The following VPS26B variants were observed in gnomAD, a reference collection of about 807,000 sequenced individuals.
VPS26B encodes the protein VPS26 retromer complex component B, also known as vacuolar protein sorting-associated protein 26B.
VPS26B carries 10 observed loss-of-function variants against 33.3 expected under a neutral mutation model. That is an observed-to-expected ratio of 0.30 (90% CI 0.19 to 0.51). VPS26B has a LOEUF of 0.51. Ranked by LOEUF, VPS26B falls within the 20% of genes least tolerant of loss-of-function variation. The pLI, the probability that VPS26B is intolerant of heterozygous loss-of-function variation, is 0.98. For synonymous variants in VPS26B, 190 were observed against 176.9 expected, an observed-to-expected ratio of 1.07 and a Z score of -0.59; for missense variants, 317 against 452.7, an observed-to-expected ratio of 0.70 and a Z score of 2.72.
rs775912576 is a variant in VPS26B at position 134,234,955 on chromosome 11, C to G, written c.282C>G (p.Ala94=). The G allele has an allele frequency of 4.3e-6, 7 of 1,614,126 alleles. No individual in the cohort carries two copies. The highest frequency in any genetic ancestry group is 4.5e-5 in the East Asian group (2 of 44,876). Residue 94 remains alanine, a synonymous_variant, in exon 2 of 6, where the codon GCC becomes GCG. Coordinates refer to ENST00000281187, the MANE Select transcript of VPS26B (RefSeq NM_052875.5). The stretch of plus-strand genomic sequence containing the variant: ...TTGTGTCCCTGGTGAAGGACCTGGC[C>G]CGGCCTGGAGAGATCACCCAGTCGC... ...HEFVSLVKDL[A]RPGEITQSQA...
At position 134,225,356 on chromosome 11, in the gene VPS26B, C is replaced by T. The variant is rs770428362; in HGVS notation, c.223+11C>T. 2 of 1,612,880 alleles carry T rather than the reference C, an allele frequency of 1.2e-6. No homozygotes were observed. The highest frequency in any genetic ancestry group is 1.1e-5 in the South Asian group (1 of 91,014). ...TCATCGGGCAGATCGGTGAGTCGAC[C>T]CCCGGGACCCCCTCCCCCAGCGCCG... On this transcript the variant is annotated intron_variant, in intron 1 of 5. Coordinates refer to ENST00000281187, the MANE Select transcript of VPS26B (RefSeq NM_052875.5).
intron 1 of VPS26B, among the ~76,000 whole-genome samples, chr11:134,226,825 G>A (rs577784605): frequency 6.6e-6 from 1 of 152,290 alleles, no homozygotes; most frequent in African/African-American, 2.4e-5. Flanking sequence ...CTGGCTCTTG[G>A]GTTCACTGCT....
At chr11:134,242,914 G>A (rs1394087497) in intron 3 of VPS26B, among the ~76,000 whole-genome samples, 2 of 152,236 alleles carry the variant, frequency 1.3e-5, no homozygotes, top group Non-Finnish European at 2.9e-5. Flanking sequence ...TGCGTGGGAT[G>A]TGGAAGGGAC....
At position 134,224,713 on chromosome 11, in the gene VPS26B, G is replaced by A. The variant is rs1372407429; in HGVS notation, c.-410G>A. On this transcript the variant is annotated 5_prime_UTR_variant, in exon 1 of 6. Transcript: ENST00000281187. ...TCGGTGCGTTGCACCGCCGGAGGCT[G>A]GGCAGCTCGCAGCGCTGCTCGGCGC... is the stretch of plus-strand genomic sequence containing the variant. The A allele has an allele frequency of 6.6e-6, 1 of 152,018 alleles. No individual in the cohort carries two copies. The highest frequency in any genetic ancestry group is 1.5e-5 in the Non-Finnish European group (1 of 68,038). The allele number at this position is 152,018 out of a possible 1,614,324, so 9.4% of individuals were successfully genotyped here.
At chr11:134,225,891 C>A (rs903943209) in intron 1 of VPS26B, among the ~76,000 whole-genome samples, 1 of 152,146 alleles carries the variant, frequency 6.6e-6, no homozygotes, top group African/African-American at 2.4e-5. Flanking sequence ...CTCACCTCAG[C>A]CCTGAACTAC....
intron 1 of VPS26B, among the ~76,000 whole-genome samples, chr11:134,229,429 G>T (rs901435963): frequency 6.6e-6 from 1 of 152,126 alleles, no homozygotes; most frequent in Admixed American, 6.5e-5. Flanking sequence ...TGTCCACCGG[G>T]ATACCCTACA....
chr11:134,243,025 C>A, intron 3 of VPS26B, 94 bp from the exon 4 acceptor site: 1 of 1,295,516 alleles, frequency 7.7e-7, no homozygotes, highest in Non-Finnish European at 1.1e-6. Context: ...GGACGTTTAA[C>A]CAGCACGCTT....
In VPS26B at chr11:134,247,288, A is replaced by C. The variant is rs1938848681; in HGVS notation, c.*1698A>C. 1 of 152,154 alleles carries C rather than the reference A, an allele frequency of 6.6e-6. No individual in the cohort carries two copies. The highest frequency in any genetic ancestry group is 2.4e-5 in the African/African-American group (1 of 41,418). 9.4% of individuals were successfully genotyped at this position (152,154 alleles called of 1,614,324 possible). On this transcript the variant is annotated 3_prime_UTR_variant, in exon 6 of 6. Transcript: ENST00000281187. Reference sequence around the variant, plus strand: ...TGGGGCTTAAGTGGATAAGGGAGGCAAGTTCTGGGTTCCTTGCCTTTTCAG... The same window carrying C: ...TGGGGCTTAAGTGGATAAGGGAGGCCAGTTCTGGGTTCCTTGCCTTTTCAG...
intron 1 of VPS26B, among the ~76,000 whole-genome samples, chr11:134,227,079 G>T (rs1938489305): frequency 6.6e-6 from 1 of 152,118 alleles, no homozygotes; most frequent in Non-Finnish European, 1.5e-5. Context: ...TTGGCATGTT[G>T]TCATGGGATG....
In VPS26B at chr11:134,245,050, C is replaced by T. The variant is rs144967670; in HGVS notation, c.834C>T (p.Asp278=). The T allele has an allele frequency of 1.4e-3, 2,234 of 1,614,140 alleles. 32 individuals carry two copies. The African/African-American group carries it at 0.025, about 18-fold the overall frequency. The part of the protein sequence containing the change: ...VRYYLNLVLI[D]EEERRYFKQQ... ...ATTACCTCAACCTGGTGCTGATAGA[C>T]GAGGAGGAGCGGCGCTACTTCAAGC... The change falls in exon 5 of 6, where the codon GAC becomes GAT. Residue 278 remains aspartate (D), a synonymous_variant. Coordinates refer to ENST00000281187, the MANE Select transcript of VPS26B (RefSeq NM_052875.5). The surrounding 1 kb of genome is among the most constrained non-coding windows in gnomAD (Gnocchi z 4.7).
intron 3 of VPS26B, among the ~76,000 whole-genome samples, chr11:134,242,781 G>GTGGGGGACC (rs1938752856): frequency 6.6e-6 from 1 of 152,266 alleles, no homozygotes; most frequent in Non-Finnish European, 1.5e-5. Flanking sequence ...TGTGGGACTA[G>GTGGGGGACC]CCTCTCATAC....
At chr11:134,230,855 C>T (rs946516352) in intron 1 of VPS26B, among the ~76,000 whole-genome samples, 2 of 152,224 alleles carry the variant, frequency 1.3e-5, no homozygotes, top group Non-Finnish European at 1.5e-5. Flanking sequence ...TGGGATCCTT[C>T]CTGTACCTAG....
At chr11:134,238,420 G>A (rs989918872) in intron 2 of VPS26B, among the ~76,000 whole-genome samples, 1 of 152,154 alleles carries the variant, frequency 6.6e-6, no homozygotes, top group African/African-American at 2.4e-5. Context: ...GGGGTGGGGA[G>A]ACTTGGGAGG....
intron 1 of VPS26B, 47 bp downstream of exon 1, chr11:134,225,392 G>A (rs771677139): frequency 1.3e-5 from 20 of 1,593,060 alleles, no homozygotes; most frequent in South Asian, 1.0e-4. Context: ...ACAGCCGGCC[G>A]GGGAGCAGGG....
chr11:134,238,095 A>G (rs1428322396), intron 2 of VPS26B, among the ~76,000 whole-genome samples: 3 of 152,082 alleles, frequency 2.0e-5, no homozygotes, highest in African/African-American at 4.8e-5. Flanking sequence ...ATCATGTGGG[A>G]AGCTTTTTAA....
chr11:134,235,129 C>A, intron 2 of VPS26B, 76 bp downstream of exon 2: 1 of 1,518,188 alleles, frequency 6.6e-7, no homozygotes, highest in Non-Finnish European at 8.9e-7. Context: ...GCCGTCCCCA[C>A]TTTGAGAATC....
rs181351365 is a variant in VPS26B at position 134,245,758 on chromosome 11, G to A, written c.*168G>A. 0.012 allele frequency: 11,753 copies of A among 950,096 alleles called. 189 individuals are homozygous for A. Among genetic ancestry groups the A allele is most frequent in the South Asian group, 0.057 (3,215 of 56,682 alleles). 58.9% of individuals were successfully genotyped at this position (950,096 alleles called of 1,614,324 possible). On this transcript the variant is annotated 3_prime_UTR_variant, in exon 6 of 6. Coordinates refer to ENST00000281187, the MANE Select transcript of VPS26B (RefSeq NM_052875.5). The surrounding 1 kb of genome is among the most constrained non-coding windows in gnomAD (Gnocchi z 4.7). ...TTCTTTTCTCTGGAGAACCCAAGGG[G>A]CTTGGGGTGGGAAGCAGTCTCTCCT...
At chr11:134,227,017 TG>T (rs1938487958) in intron 1 of VPS26B, among the ~76,000 whole-genome samples, 1 of 152,190 alleles carries the variant, frequency 6.6e-6, no homozygotes, top group African/African-American at 2.4e-5. Context: ...GGTTCAATGG[TG>T]GGGTAGATGG....
At chr11:134,243,339 A>G in intron 4 of VPS26B, 45 bp downstream of exon 4, 2 of 1,608,606 alleles carry the variant, frequency 1.2e-6, no homozygotes, top group South Asian at 1.1e-5. Flanking sequence ...CTTTTCTCCC[A>G]TGTCCTGCAC....
Sources: gnomAD v4.1 joint callset for allele counts (sites outside exome capture counted in the v4.1 genomes callset) on GRCh38, gnomAD v4.1.1 for gene constraint, Gnocchi (gnomAD v3.1) non-coding constraint, MANE v1.5 for transcripts, NCBI Gene and HGNC (gene_info 2026-07-23, HGNC 2026-07-21) for gene names.